Variants in RAI14 observed in about 807,000 individuals in gnomAD.
RAI14 encodes retinoic acid induced 14.
In RAI14, 45 loss-of-function variants were observed where a neutral mutation model predicts 115.4. The ratio of observed to expected loss-of-function variants is 0.39; its 90% CI spans 0.31 to 0.50. The LOEUF is 0.50. RAI14 is among the 20% of genes least tolerant of loss of function. RAI14 has a pLI of 0.85. For missense variants in RAI14, 939 were observed against 1,131.2 expected (o/e 0.83, Z 2.44); for synonymous variants, 371 against 415.4 (o/e 0.89, Z 1.30).
intron 2 of RAI14, among the ~76,000 whole-genome samples, chr5:34,703,508 T>A (rs1740333076): frequency 6.6e-6 from 1 of 152,232 alleles, no homozygotes. Context: ...TTAAAATGCT[T>A]TCAATGTGTT....
intron 2 of RAI14, among the ~76,000 whole-genome samples, chr5:34,704,512 C>T (rs552258484): frequency 3.5e-4 from 53 of 152,244 alleles, no homozygotes; most frequent in African/African-American, 1.1e-3. Context: ...TCTTTAAACC[C>T]GCTGACGTTC....
rs538660387 is a variant in RAI14, at chr5:34,752,502, G to T, written c.37-4966G>T. ...GGGCTTCGGTTGAGATGAGCGAGTGGATGGCCCCCAGGGACGCAATGGAGT... is the reference window on the plus strand; with the variant it reads ...GGGCTTCGGTTGAGATGAGCGAGTGTATGGCCCCCAGGGACGCAATGGAGT... On this transcript the variant is annotated intron_variant, in intron 2 of 17. Coordinates refer to ENST00000265109, the MANE Select transcript of RAI14 (RefSeq NM_015577.3). Among the ~76,000 whole-genome samples, 911 of 151,970 alleles carry T rather than the reference G, an allele frequency of 6.0e-3. 4 individuals carry two copies. Among genetic ancestry groups the T allele is most frequent in the African/African-American group, 0.021 (863 of 41,420 alleles).
At chr5:34,671,498 C>T (rs1455182374) in intron 1 of RAI14, among the ~76,000 whole-genome samples, 1 of 152,076 alleles carries the variant, frequency 6.6e-6, no homozygotes, top group African/African-American at 2.4e-5. Flanking sequence ...CTTAATTTTA[C>T]ATCTGCTTTG....
intron 1 of RAI14, among the ~76,000 whole-genome samples, chr5:34,683,639 C>T (rs1744553510): frequency 6.6e-6 from 1 of 152,096 alleles, no homozygotes; most frequent in South Asian, 2.1e-4. Flanking sequence ...CTTCTTTTCT[C>T]CCTTTCCTGC....
Position 34,796,029 on chromosome 5 carries a change from T to C in RAI14, c.256+2T>C, listed in dbSNP as rs1753485774. 1 of 1,603,818 alleles carries C rather than the reference T, an allele frequency of 6.2e-7. No individual in the cohort carries two copies. The highest frequency in any genetic ancestry group is 1.7e-5 in the Admixed American group (1 of 59,890). ...ATGTGACAGCCCAAGATACTACCGGTATGTGGTTTTTAGTCTCTTAAGTCA... is the reference window on the plus strand; with the variant it reads ...ATGTGACAGCCCAAGATACTACCGGCATGTGGTTTTTAGTCTCTTAAGTCA... On this transcript the variant is annotated splice_donor_variant, in intron 4 of 17. Coordinates refer to ENST00000265109, the MANE Select transcript of RAI14 (RefSeq NM_015577.3). LOFTEE classifies it high-confidence loss of function.
intron 4 of RAI14, among the ~76,000 whole-genome samples, chr5:34,799,475 A>C (rs1006614681): frequency 4.7e-5 from 7 of 147,844 alleles, no homozygotes; most frequent in African/African-American, 1.7e-4. Context: ...TTTTTGAAAA[A>C]AACAAAACAC....
Position 34,821,742 on chromosome 5 carries a change from C to A in RAI14, c.1005C>A (p.Ser335Arg). Reference sequence around the variant, plus strand: ...TTTCTCTTTCCCAAGGTGCTGATAGCTTATTGGATATAAGTTCTGAAGCTG... The same window carrying A: ...TTTCTCTTTCCCAAGGTGCTGATAGATTATTGGATATAAGTTCTGAAGCTG... ...RLSDSTTGAD[S>R]LLDISSEADQ... The change falls in exon 14 of 18, where the codon AGC (serine) becomes AGA (arginine). Residue 335 changes from serine (S) to arginine (R), a missense_variant. Coordinates refer to ENST00000265109, the MANE Select transcript of RAI14 (RefSeq NM_015577.3). 6.3e-7 allele frequency: 1 copy of A among 1,599,034 alleles called. No individual in the cohort carries two copies. Among genetic ancestry groups the A allele is most frequent in the Non-Finnish European group, 8.6e-7 (1 of 1,166,972 alleles).
chr5:34,725,416 A>G (rs893095300), intron 2 of RAI14, among the ~76,000 whole-genome samples: 2 of 152,162 alleles, frequency 1.3e-5, no homozygotes, highest in Non-Finnish European at 2.9e-5. Flanking sequence ...AAGCAATAGA[A>G]GAAGTCACAA....
chr5:34,723,166 T>C (rs1195417748), intron 2 of RAI14, among the ~76,000 whole-genome samples: 1 of 148,840 alleles, frequency 6.7e-6, no homozygotes, highest in Admixed American at 6.7e-5. Flanking sequence ...ATGGTGAGGG[T>C]ATATATTAGA....
chr5:34,743,917 C>G (rs1296552740), intron 2 of RAI14, among the ~76,000 whole-genome samples: 2 of 152,192 alleles, frequency 1.3e-5, no homozygotes, highest in Non-Finnish European at 2.9e-5. Flanking sequence ...TTTGTTAATT[C>G]TTTAACATCT....
chr5:34,776,130 G>A (rs565772970), intron 3 of RAI14, among the ~76,000 whole-genome samples: 7 of 152,270 alleles, frequency 4.6e-5, no homozygotes, highest in African/African-American at 1.7e-4. Flanking sequence ...CAACGTGGTT[G>A]GAACTGGAGG....
At chr5:34,773,626 A>G (rs911839824) in intron 3 of RAI14, among the ~76,000 whole-genome samples, 2 of 152,218 alleles carry the variant, frequency 1.3e-5, no homozygotes, top group Non-Finnish European at 2.9e-5. Context: ...AAAAAGACAT[A>G]CAAATGGCCA....
chr5:34,703,092 ATTG>A (rs1385334530), intron 2 of RAI14, among the ~76,000 whole-genome samples: 1 of 152,240 alleles, frequency 6.6e-6, no homozygotes, highest in Non-Finnish European at 1.5e-5. Context: ...GAGTAAACAA[ATTG>A]TTATATCCAC....
At chr5:34,724,792 G>A (rs1024320356) in intron 2 of RAI14, among the ~76,000 whole-genome samples, 9 of 152,172 alleles carry the variant, frequency 5.9e-5, no homozygotes, top group African/African-American at 1.4e-4. Context: ...ATTCTTGCTT[G>A]AAAGTAAATC....
intron 2 of RAI14, among the ~76,000 whole-genome samples, chr5:34,702,311 G>A (rs13180031): frequency 0.23 from 35,111 of 152,052 alleles, 4,935 homozygotes; most frequent in Middle Eastern, 0.32. Flanking sequence ...GTGAAACCCC[G>A]TCTCTACTAA....
At chr5:34,683,114 C>T (rs1744507548) in intron 1 of RAI14, among the ~76,000 whole-genome samples, 1 of 152,232 alleles carries the variant, frequency 6.6e-6, no homozygotes, top group Admixed American at 6.5e-5. Flanking sequence ...TACTTTCCGC[C>T]AGCCATGGCT....
intron 1 of RAI14, among the ~76,000 whole-genome samples, chr5:34,665,570 G>A (rs372239722): frequency 4.7e-5 from 7 of 149,134 alleles, no homozygotes; most frequent in African/African-American, 1.7e-4. Context: ...TTAAATATTC[G>A]TGAGGCATAG....
At chr5:34,773,646 GA>G (rs796277868) in intron 3 of RAI14, among the ~76,000 whole-genome samples, 1 of 151,698 alleles carries the variant, frequency 6.6e-6, no homozygotes, top group Non-Finnish European at 1.5e-5. Flanking sequence ...ACAGCTATAT[GA>G]AAAAAAATAC....
At chr5:34,683,088 A>G (rs1744504228) in intron 1 of RAI14, among the ~76,000 whole-genome samples, 1 of 152,236 alleles carries the variant, frequency 6.6e-6, no homozygotes, top group Admixed American at 6.5e-5. Context: ...ACCTGGCGTT[A>G]TTCCAGGGGC....
Sources: gnomAD v4.1 joint callset for allele counts (sites outside exome capture counted in the v4.1 genomes callset) on GRCh38, gnomAD v4.1.1 for gene constraint, MANE v1.5 for transcripts, NCBI Gene and HGNC (gene_info 2026-07-23, HGNC 2026-07-21) for gene names.